The following LRRC20 variants were observed in gnomAD, a reference collection of about 807,000 sequenced individuals.
LRRC20 encodes leucine-rich repeat-containing protein 20.
In LRRC20, 11 loss-of-function variants were observed where a neutral mutation model predicts 14.4. The observed-to-expected ratio is 0.77, with a 90% confidence interval of 0.48 to 1.27. The LOEUF (loss-of-function observed/expected upper bound fraction) is 1.27. Among genes scored for constraint, LRRC20 ranks in the 50% most tolerant of loss-of-function variants. The pLI is 0.00. For synonymous variants in LRRC20, 121 were observed against 107.3 expected, an observed-to-expected ratio of 1.13 and a Z score of -0.79; for missense variants, 219 against 251.2, an observed-to-expected ratio of 0.87 and a Z score of 0.87.
intron 4 of LRRC20, among the ~76,000 whole-genome samples, chr10:70,320,881 C>T (rs985066190): frequency 1.3e-5 from 2 of 152,194 alleles, no homozygotes; most frequent in East Asian, 3.9e-4. Flanking sequence ...TCCTTCTCTT[C>T]CTGAGAATGG....
At chr10:70,363,731 C>T (rs1843846633) in intron 2 of LRRC20, among the ~76,000 whole-genome samples, 1 of 152,176 alleles carries the variant, frequency 6.6e-6, no homozygotes. Context: ...AAAGCCCTCC[C>T]CAGGGGGCAC....
At chr10:70,373,166 C>T (rs546567490) in intron 2 of LRRC20, among the ~76,000 whole-genome samples, 2 of 152,190 alleles carry the variant, frequency 1.3e-5, no homozygotes, top group Non-Finnish European at 1.5e-5. Flanking sequence ...TTTTCTGGTG[C>T]TAGATGTTTA....
intron 4 of LRRC20, among the ~76,000 whole-genome samples, chr10:70,308,563 A>G (rs1841513825): frequency 1.3e-5 from 2 of 152,136 alleles, no homozygotes; most frequent in South Asian, 4.2e-4. Flanking sequence ...TGCTTACTCC[A>G]GGAGCTGTGT....
intron 2 of LRRC20, among the ~76,000 whole-genome samples, chr10:70,375,479 C>CCT (rs58028984): frequency 0.97 from 147,460 of 152,128 alleles, 71,618 homozygotes; most frequent in Non-Finnish European, 1. Flanking sequence ...TCCTGGACCA[C>CCT]CTCTCTGCCT....
chr10:70,337,776 T>TCCTGCAA (rs754526916), intron 3 of LRRC20, among the ~76,000 whole-genome samples: 84 of 152,316 alleles, frequency 5.5e-4, no homozygotes, highest in Admixed American at 2.4e-3. Flanking sequence ...GGACAATGTG[T>TCCTGCAA]CCTGCAACCC....
intron 1 of LRRC20, among the ~76,000 whole-genome samples, chr10:70,378,773 C>CAA (rs58126984): frequency 1.5e-4 from 10 of 67,418 alleles, no homozygotes; most frequent in African/African-American, 4.1e-4. Flanking sequence ...ACCTCGCGCT[C>CAA]AAAAAAAAAA....
At chr10:70,370,338 T>C (rs1045755631) in intron 2 of LRRC20, among the ~76,000 whole-genome samples, 4 of 152,080 alleles carry the variant, frequency 2.6e-5, no homozygotes, top group African/African-American at 9.7e-5. Flanking sequence ...ACACAGATGA[T>C]AGTTCACCAG....
At chr10:70,359,949 C>G (rs1843663476) in intron 2 of LRRC20, among the ~76,000 whole-genome samples, 1 of 150,578 alleles carries the variant, frequency 6.6e-6, no homozygotes, top group South Asian at 2.1e-4. Context: ...TGGAGTCTCC[C>G]TCTGTTGCCC....
chr10:70,339,981 T>C (rs1842854921), intron 3 of LRRC20, among the ~76,000 whole-genome samples: 1 of 151,588 alleles, frequency 6.6e-6, no homozygotes, highest in East Asian at 1.9e-4. Flanking sequence ...ATGACCCAGG[T>C]GTGGTGGCAC....
At chr10:70,313,755 A>C (rs1841751754) in intron 4 of LRRC20, among the ~76,000 whole-genome samples, 1 of 152,234 alleles carries the variant, frequency 6.6e-6, no homozygotes. Flanking sequence ...CAGGGATCAC[A>C]AGATTCCTAA....
In LRRC20 at chr10:70,317,904, G is replaced by A. The variant is rs184039125; in HGVS notation, c.400+5959C>T. On this transcript the variant is annotated intron_variant, in intron 4 of 4. Transcript: ENST00000446961. The stretch of plus-strand genomic sequence containing the variant: ...GGCAGGAGGCAGAGCTTTGGGTCCA[G>A]AAACATTTGTTTCGGCCAAGATTCC... 5.1e-4 allele frequency among the ~76,000 whole-genome samples: 77 copies of A among 152,330 alleles called. No individual in the cohort carries two copies. The Middle Eastern group carries it at 0.01, about 20-fold the overall frequency.
intron 4 of LRRC20, among the ~76,000 whole-genome samples, chr10:70,312,397 C>T (rs148029651): frequency 6.6e-6 from 1 of 152,316 alleles, no homozygotes; most frequent in African/African-American, 2.4e-5. Flanking sequence ...TCTCAGACCA[C>T]TCCACCACAC....
intron 1 of LRRC20, among the ~76,000 whole-genome samples, chr10:70,379,524 G>A (rs1844628795): frequency 6.6e-6 from 1 of 152,120 alleles, no homozygotes; most frequent in Non-Finnish European, 1.5e-5. Flanking sequence ...AACATTTACT[G>A]AGCATCTCCT....
chr10:70,332,382 G>A (rs564850555), intron 3 of LRRC20, among the ~76,000 whole-genome samples: 1 of 152,362 alleles, frequency 6.6e-6, no homozygotes, highest in South Asian at 2.1e-4. Context: ...AGTGGCTCAC[G>A]CCTGTAATCC....
chr10:70,368,204 C>A (rs1435796009), intron 2 of LRRC20, among the ~76,000 whole-genome samples: 3 of 133,258 alleles, frequency 2.3e-5, no homozygotes, highest in African/African-American at 8.6e-5. Context: ...GTCGCCCAGG[C>A]TGAAGTGCAG....
chr10:70,351,081 T>C (rs1843285210), intron 2 of LRRC20, among the ~76,000 whole-genome samples: 1 of 151,758 alleles, frequency 6.6e-6, no homozygotes, highest in Non-Finnish European at 1.5e-5. Flanking sequence ...CTCAGGAGGC[T>C]GAGGTGGGAG....
rs57284629 is a variant in LRRC20 at position 70,304,470 on chromosome 10, T to TTATATATA, written c.401-2970_401-2963dup. Among the ~76,000 whole-genome samples the TTATATATA allele has an allele frequency of 7.1e-3, 810 of 113,636 alleles. 10 individuals are homozygous for TTATATATA. The highest frequency in any genetic ancestry group is 9.8e-3 in the South Asian group (35 of 3,556). The allele number at this position is 113,636 out of a possible 152,430, so 74.5% of individuals were successfully genotyped here. A position where few individuals can be genotyped will look rare whatever the true frequency, so the allele number is the denominator to read the frequency against. Reference sequence around the variant, plus strand: ...GCTATATAGATATCAGGCCACTTCTTTATATATATATATATATATATATAT... The same window carrying TTATATATA: ...GCTATATAGATATCAGGCCACTTCTTTATATATATATATATATATATATATATATATAT... On this transcript the variant is annotated intron_variant, in intron 4 of 4. Coordinates refer to ENST00000446961, the MANE Select transcript of LRRC20 (RefSeq NM_001278212.2).
At chr10:70,369,133 T>G (rs1844155029) in intron 2 of LRRC20, among the ~76,000 whole-genome samples, 4 of 152,180 alleles carry the variant, frequency 2.6e-5, no homozygotes, top group Admixed American at 2.6e-4. Flanking sequence ...TCACCTCTGC[T>G]TTTTTTCCTC....
chr10:70,354,151 A>C (rs1199258311), intron 2 of LRRC20, among the ~76,000 whole-genome samples: 1 of 151,798 alleles, frequency 6.6e-6, no homozygotes. Context: ...AGCTCTATAG[A>C]CTCTTGATGC....
Sources: gnomAD v4.1 joint callset for allele counts (sites outside exome capture counted in the v4.1 genomes callset) on GRCh38, gnomAD v4.1.1 for gene constraint, MANE v1.5 for transcripts, NCBI Gene and HGNC (gene_info 2026-07-23, HGNC 2026-07-21) for gene names.